Variants in RPS6KA2 observed in about 807,000 individuals in gnomAD.
The protein encoded by RPS6KA2 is ribosomal protein S6 kinase A2, also known as ribosomal protein S6 kinase alpha-2.
A neutral mutation model predicts 91.8 loss-of-function variants in RPS6KA2; 42 were observed. That is an observed-to-expected ratio of 0.46 (90% CI 0.36 to 0.59). The LOEUF (loss-of-function observed/expected upper bound fraction) is 0.59, where lower values mean the gene tolerates loss of function less well. Ranked by LOEUF, RPS6KA2 falls within the 20% of genes least tolerant of loss-of-function variation. The pLI is 0.00. For synonymous variants in RPS6KA2, 414 were observed against 393.6 expected (o/e 1.05, Z -0.61); for missense variants, 798 against 978.5 (o/e 0.82, Z 2.46).
At chr6:166,620,058 T>C (rs1378223844) in intron 1 of RPS6KA2, among the ~76,000 whole-genome samples, 1 of 152,170 alleles carries the variant, frequency 6.6e-6, no homozygotes, top group East Asian at 1.9e-4. Context: ...CAAAGAATGT[T>C]ACCGTGCACT....
intron 2 of RPS6KA2, among the ~76,000 whole-genome samples, chr6:166,690,056 G>C (rs1789157575): frequency 6.6e-6 from 1 of 152,204 alleles, no homozygotes; most frequent in Non-Finnish European, 1.5e-5. Flanking sequence ...TCTAGGGATT[G>C]GGTGAGGGGC....
chr6:166,541,201 C>T (rs554606062), intron 1 of RPS6KA2, among the ~76,000 whole-genome samples: 1 of 152,290 alleles, frequency 6.6e-6, no homozygotes, highest in East Asian at 1.9e-4. Flanking sequence ...ATTTTGGTAA[C>T]GAGAGCATGG....
Position 166,770,882 on chromosome 6 carries a change from T to G in RPS6KA2, c.123+87318A>C. On this transcript the variant is annotated intron_variant, in intron 2 of 21. Coordinates refer to the RPS6KA2 transcript ENST00000503859. The surrounding 1 kb of genome is among the most constrained non-coding windows in gnomAD (Gnocchi z 5.1). ...TCTTACCTCTACGGATCCAGCTACC[T>G]TTGTCTTGCAGGCAGCTGAGTCACT... The G allele has an allele frequency of 6.3e-7, 1 of 1,597,264 alleles. No individual in the cohort carries two copies. The highest frequency in any genetic ancestry group is 8.5e-7 in the Non-Finnish European group (1 of 1,179,600).
chr6:166,505,910 A>G (rs1782203900), intron 5 of RPS6KA2, among the ~76,000 whole-genome samples: 1 of 152,156 alleles, frequency 6.6e-6, no homozygotes. Context: ...CACGTGGCCC[A>G]CCATGGGTTT....
chr6:166,757,241 C>T (rs983498063), intron 2 of RPS6KA2, among the ~76,000 whole-genome samples: 1 of 152,180 alleles, frequency 6.6e-6, no homozygotes, highest in Non-Finnish European at 1.5e-5. Flanking sequence ...ACACCCTTCC[C>T]CTCAGTTGTG....
At chr6:166,643,613 T>G (rs1248962975) in intron 2 of RPS6KA2, among the ~76,000 whole-genome samples, 1 of 152,378 alleles carries the variant, frequency 6.6e-6, no homozygotes, top group African/African-American at 2.4e-5. Flanking sequence ...CATTATTATT[T>G]AGAAAAATTT....
intron 2 of RPS6KA2, among the ~76,000 whole-genome samples, chr6:166,847,741 C>T (rs561043613): frequency 6.6e-6 from 1 of 152,122 alleles, no homozygotes. Flanking sequence ...TCATCTCTCA[C>T]CTTATATAAA....
chr6:166,524,838 C>T (rs1398163572), intron 3 of RPS6KA2, among the ~76,000 whole-genome samples: 1 of 152,182 alleles, frequency 6.6e-6, no homozygotes, highest in African/African-American at 2.4e-5. Flanking sequence ...TGACACAGCT[C>T]GTGGGGTTAG....
intron 2 of RPS6KA2, among the ~76,000 whole-genome samples, chr6:166,725,504 A>C (rs1225096051): frequency 6.6e-6 from 1 of 152,178 alleles, no homozygotes; most frequent in Non-Finnish European, 1.5e-5. Context: ...AGCCTCCGAG[A>C]GCCCACAGCA....
At chr6:166,727,483 C>T (rs1465770158) in intron 2 of RPS6KA2, among the ~76,000 whole-genome samples, 1 of 151,916 alleles carries the variant, frequency 6.6e-6, no homozygotes, top group Non-Finnish European at 1.5e-5. Flanking sequence ...ACATCAGCAC[C>T]CTCAGGTATC....
intron 2 of RPS6KA2, among the ~76,000 whole-genome samples, chr6:166,785,910 T>C (rs1778916740): frequency 6.6e-6 from 1 of 152,200 alleles, no homozygotes; most frequent in Non-Finnish European, 1.5e-5. Context: ...AGGTCAATAA[T>C]GAAATCTAAC....
At chr6:166,517,385 CATGCTT>C (rs1782681619) in intron 3 of RPS6KA2, among the ~76,000 whole-genome samples, 1 of 150,550 alleles carries the variant, frequency 6.6e-6, no homozygotes, top group Non-Finnish European at 1.5e-5. Flanking sequence ...AGCACTGTGA[CATGCTT>C]GTGATGGCCT....
rs1234692459 is a variant in RPS6KA2 at position 166,635,306 on chromosome 6, AGCAGGGACTCCTGCCCTGACGGGCACT to A, written c.124-96549_124-96523del. Among the ~76,000 whole-genome samples, 3 of 152,228 alleles carry A rather than the reference AGCAGGGACTCCTGCCCTGACGGGCACT, an allele frequency of 2.0e-5. No individual in the cohort carries two copies. Among genetic ancestry groups the A allele is most frequent in the Non-Finnish European group, 1.5e-5 (1 of 68,040 alleles). On this transcript the variant is annotated intron_variant, in intron 2 of 21. Coordinates refer to the RPS6KA2 transcript ENST00000503859. This position sits in a 1 kb window ranked among gnomAD's most constrained non-coding sequence, Gnocchi z 4.8. ...GGCTGGGATCTGAGGGGCTGGGCAC[AGCAGGGACTCCTGCCCTGACGGGCACT>A]GCAGTCTCTGGGGTAGCACAGACAA...
intron 1 of RPS6KA2, among the ~76,000 whole-genome samples, chr6:166,574,899 A>T (rs1784794608): frequency 6.6e-6 from 1 of 152,240 alleles, no homozygotes; most frequent in African/African-American, 2.4e-5. Flanking sequence ...AATAGAGTAG[A>T]CTTAGTAAGA....
At position 166,825,389 on chromosome 6, in the gene RPS6KA2, C is replaced by T. The variant is rs920875531; in HGVS notation, c.123+32811G>A. Among the ~76,000 whole-genome samples the T allele has an allele frequency of 3.9e-5, 6 of 152,142 alleles. No homozygotes were observed. The highest frequency in any genetic ancestry group is 1.2e-4 in the African/African-American group (5 of 41,428). On this transcript the variant is annotated intron_variant, in intron 2 of 21. Transcript: ENST00000503859. This position sits in a 1 kb window ranked among gnomAD's most constrained non-coding sequence, Gnocchi z 4.1. ...TAACGCCTGGAGTTGAGGAAGAACTCGGGCTTAGGGGAAGAAATGGAGTTT... is the reference window on the plus strand; with the variant it reads ...TAACGCCTGGAGTTGAGGAAGAACTTGGGCTTAGGGGAAGAAATGGAGTTT...
chr6:166,707,997 G>C (rs1789729951), intron 2 of RPS6KA2, among the ~76,000 whole-genome samples: 1 of 152,110 alleles, frequency 6.6e-6, no homozygotes, highest in Non-Finnish European at 1.5e-5. Flanking sequence ...ACCTGCCTCA[G>C]CCTCCCAAAG....
At chr6:166,492,890 A>ATTT (rs71032807) in intron 8 of RPS6KA2, among the ~76,000 whole-genome samples, 30 of 103,554 alleles carry the variant, frequency 2.9e-4, no homozygotes, top group African/African-American at 9.5e-4. Context: ...TAATTTTTGT[A>ATTT]TTTTTTTTTT....
chr6:166,777,010 C>T (rs11964996), intron 2 of RPS6KA2, among the ~76,000 whole-genome samples: 1,681 of 152,290 alleles, frequency 0.011, 29 homozygotes, highest in African/African-American at 0.035. Flanking sequence ...TTAAGCCCAT[C>T]ACCCATTTTT....
chr6:166,499,091 G>A (rs547099220), intron 7 of RPS6KA2, among the ~76,000 whole-genome samples: 4 of 152,304 alleles, frequency 2.6e-5, no homozygotes, highest in East Asian at 3.9e-4. Flanking sequence ...AGAGTGTGGC[G>A]AACCTGCCCT....
Sources: allele counts gnomAD v4.1 joint callset (sites outside exome capture counted in the v4.1 genomes callset), GRCh38; gene constraint gnomAD v4.1.1; non-coding constraint Gnocchi (gnomAD v3.1); transcripts MANE v1.5; gene names NCBI Gene and HGNC (gene_info 2026-07-23, HGNC 2026-07-21).